PTPN12: variants seen among roughly 807,000 people sequenced by gnomAD.
PTPN12 encodes the protein tyrosine-protein phosphatase non-receptor type 12.
A neutral mutation model predicts 97.6 loss-of-function variants in PTPN12; 29 were observed. That is an observed-to-expected ratio of 0.30 (90% confidence interval 0.22 to 0.41). PTPN12 has a LOEUF of 0.41. Ranked by LOEUF, PTPN12 falls within the 10% of genes least tolerant of loss-of-function variation. PTPN12 has a pLI of 1.00. For missense variants in PTPN12, 819 were observed against 926.0 expected (o/e 0.88, Z 1.50); for synonymous variants, 327 against 300.4 (o/e 1.09, Z -0.91).
At chr7:77,594,401 C>T (rs1787961214) in intron 6 of PTPN12, among the ~76,000 whole-genome samples, 2 of 152,206 alleles carry the variant, frequency 1.3e-5, no homozygotes, top group African/African-American at 2.4e-5. Flanking sequence ...ACCAACCCTC[C>T]TTCACCAATC....
At chr7:77,619,215 A>G (rs1454400128) in intron 12 of PTPN12, among the ~76,000 whole-genome samples, 1 of 152,156 alleles carries the variant, frequency 6.6e-6, no homozygotes, top group Non-Finnish European at 1.5e-5. Flanking sequence ...ATAAAAAACT[A>G]TTAGAATATT....
intron 12 of PTPN12, among the ~76,000 whole-genome samples, chr7:77,622,382 GA>G (rs930431209): frequency 6.6e-6 from 1 of 152,062 alleles, no homozygotes; most frequent in Non-Finnish European, 1.5e-5. Flanking sequence ...AAAGATGGGG[GA>G]AAAAAGAAAC....
chr7:77,628,829 C>T (rs1019039437), intron 13 of PTPN12, among the ~76,000 whole-genome samples: 2 of 152,032 alleles, frequency 1.3e-5, no homozygotes, highest in African/African-American at 4.8e-5. Flanking sequence ...TGAGCTACCA[C>T]ACCTGGCCTT....
intron 1 of PTPN12, among the ~76,000 whole-genome samples, chr7:77,539,439 A>G (rs542766455): frequency 1.9e-3 from 284 of 152,302 alleles, no homozygotes; most frequent in Non-Finnish European, 2.7e-3. Flanking sequence ...GTTAAGGAAA[A>G]CGGCATTTTC....
chr7:77,571,386 G>A (rs964257072), intron 2 of PTPN12, among the ~76,000 whole-genome samples, 200 bp downstream of exon 2: 2 of 151,934 alleles, frequency 1.3e-5, no homozygotes, highest in African/African-American at 2.4e-5. Flanking sequence ...TTTTTTTCCT[G>A]TAAGTATCAC....
intron 1 of PTPN12, among the ~76,000 whole-genome samples, chr7:77,554,032 C>T (rs149534278): frequency 4.7e-4 from 71 of 152,240 alleles, no homozygotes; most frequent in African/African-American, 1.7e-3. Flanking sequence ...AGTGGCATGT[C>T]ATAGCTCACT....
intron 11 of PTPN12, among the ~76,000 whole-genome samples, chr7:77,616,606 A>G (rs979306266): frequency 8.5e-5 from 13 of 152,212 alleles, no homozygotes; most frequent in Non-Finnish European, 1.8e-4. Context: ...TGTGCTACAA[A>G]AGAAAAATGC....
At chr7:77,619,266 C>G (rs1042604285) in intron 12 of PTPN12, among the ~76,000 whole-genome samples, 2 of 152,228 alleles carry the variant, frequency 1.3e-5, no homozygotes, top group African/African-American at 4.8e-5. Flanking sequence ...CAAAACTGAT[C>G]GACTTCCCAT....
chr7:77,548,814 A>G (rs1402869121), intron 1 of PTPN12, among the ~76,000 whole-genome samples: 2 of 152,230 alleles, frequency 1.3e-5, no homozygotes, highest in East Asian at 3.8e-4. Flanking sequence ...CATCAGAACC[A>G]AGAAATAGAG....
At chr7:77,560,573 G>A (rs1158585522) in intron 1 of PTPN12, among the ~76,000 whole-genome samples, 1 of 152,058 alleles carries the variant, frequency 6.6e-6, no homozygotes, top group South Asian at 2.1e-4. Context: ...CCTCCAACCT[G>A]TAGCACCATT....
chr7:77,592,710 T>G (rs1426997330), intron 6 of PTPN12, among the ~76,000 whole-genome samples: 1 of 152,184 alleles, frequency 6.6e-6, no homozygotes, highest in Admixed American at 6.5e-5. Context: ...AAGTAAAGAT[T>G]GGTCCTGTCT....
At chr7:77,549,647 C>T (rs1378664423) in intron 1 of PTPN12, among the ~76,000 whole-genome samples, 1 of 150,868 alleles carries the variant, frequency 6.6e-6, no homozygotes, top group East Asian at 2.0e-4. Flanking sequence ...GTGGTGTAAT[C>T]ATAGCTCACT....
At chr7:77,566,097 C>T (rs1290330515) in intron 1 of PTPN12, among the ~76,000 whole-genome samples, 1 of 152,180 alleles carries the variant, frequency 6.6e-6, no homozygotes, top group Non-Finnish European at 1.5e-5. Flanking sequence ...GGAAATAACA[C>T]TTTAGCCAGA....
chr7:77,612,745 G>GT (rs943691039), intron 11 of PTPN12, among the ~76,000 whole-genome samples: 1 of 151,274 alleles, frequency 6.6e-6, no homozygotes, highest in Non-Finnish European at 1.5e-5. Context: ...CCTCGAATGT[G>GT]TTTTTTGTTT....
At chr7:77,590,236 A>G (rs1168145756) in intron 5 of PTPN12, among the ~76,000 whole-genome samples, 1 of 152,224 alleles carries the variant, frequency 6.6e-6, no homozygotes, top group Non-Finnish European at 1.5e-5. Flanking sequence ...GTTTTATACC[A>G]GGAATATAAG....
rs754819133 is a variant in PTPN12, at chr7:77,627,249, G to T, written c.1570G>T (p.Asp524Tyr). The T allele has an allele frequency of 1.2e-6, 2 of 1,614,146 alleles. No homozygotes were observed. Among genetic ancestry groups the T allele is most frequent in the South Asian group, 1.1e-5 (1 of 91,082 alleles). Reference protein sequence around the residue: ...SQNSDTPPRPDRLPLDEKGHV... With the variant: ...SQNSDTPPRPYRLPLDEKGHV... ...GAATTCAGACACACCTCCAAGGCCA[G>T]ACCGCTTGCCTCTTGATGAGAAAGG... Residue 524 changes from aspartate (D) to tyrosine (Y), a missense_variant, in exon 13 of 18, where the codon GAC becomes TAC. This residue lies in a region of PTPN12 where 607 missense variants were observed against 577.3 expected (regional missense o/e 1.05). Coordinates refer to ENST00000248594, the MANE Select transcript of PTPN12 (RefSeq NM_002835.4).
intron 1 of PTPN12, among the ~76,000 whole-genome samples, chr7:77,556,251 A>AG (rs1195071217): frequency 4.6e-5 from 7 of 151,910 alleles, no homozygotes; most frequent in Non-Finnish European, 7.4e-5. Flanking sequence ...TTTGTAGAGA[A>AG]GGGGTTTCGT....
Position 77,627,018 on chromosome 7 carries a change from C to T in PTPN12, c.1339C>T (p.Pro447Ser). 1 of 1,607,568 alleles carries T rather than the reference C, an allele frequency of 6.2e-7. No homozygotes were observed. The stretch of plus-strand genomic sequence containing the variant: ...TAAGAAGGTCCCTCTCCAAGAGGGA[C>T]CAAAAAGTTTTGATGGGAACACACT... ...EIKKVPLQEG[P>S]KSFDGNTLLN... The change falls in exon 13 of 18, where the codon CCA becomes TCA. Residue 447 changes from proline to serine, a missense_variant. Pro to Ser is a moderately conservative substitution (Grantham distance 74). Around this residue, in one of 5 missense-constraint regions of PTPN12, gnomAD observed 607 missense variants for 577.3 expected, o/e 1.05. Coordinates refer to ENST00000248594, the MANE Select transcript of PTPN12 (RefSeq NM_002835.4).
intron 13 of PTPN12, among the ~76,000 whole-genome samples, chr7:77,628,946 A>G (rs955012276): frequency 1.3e-5 from 2 of 152,096 alleles, no homozygotes; most frequent in Non-Finnish European, 2.9e-5. Context: ...TGTATTTGGT[A>G]GACTAGATGA....
Sources: gnomAD v4.1 joint callset for allele counts (sites outside exome capture counted in the v4.1 genomes callset) on GRCh38, gnomAD v4.1.1 for gene constraint, gnomAD v4.1.1 regional missense constraint, MANE v1.5 for transcripts, NCBI Gene and HGNC (gene_info 2026-07-23, HGNC 2026-07-21) for gene names.